CNTNAP5: variants seen among roughly 807,000 people sequenced by gnomAD.
CNTNAP5 encodes contactin-associated protein-like 5.
In CNTNAP5, 72 loss-of-function variants were observed where a neutral mutation model predicts 150.2. That is an observed-to-expected ratio of 0.48 (90% CI 0.40 to 0.58). The LOEUF (loss-of-function observed/expected upper bound fraction) is 0.58. CNTNAP5 is among the 20% of genes least tolerant of loss of function. CNTNAP5 has a pLI of 0.00. For missense variants in CNTNAP5, 1,636 were observed against 1,626.2 expected (o/e 1.01, Z -0.10); for synonymous variants, 672 against 619.8 (o/e 1.08, Z -1.25).
chr2:124,622,798 C>T (rs1175155352), intron 12 of CNTNAP5, among the ~76,000 whole-genome samples: 1 of 152,122 alleles, frequency 6.6e-6, no homozygotes, highest in Non-Finnish European at 1.5e-5. Flanking sequence ...AAGCTGAGTT[C>T]AAGTTCTGAA....
In CNTNAP5 at chr2:124,701,533, G is replaced by A. The variant is rs935418854; in HGVS notation, c.2078-45696G>A. 1.6e-4 allele frequency among the ~76,000 whole-genome samples: 24 copies of A among 152,024 alleles called. 1 individual carries two copies. The highest frequency in any genetic ancestry group is 1.6e-3 in the Admixed American group (24 of 15,256). On this transcript the variant is annotated intron_variant, in intron 13 of 23. Coordinates refer to ENST00000682447, the MANE Select transcript of CNTNAP5 (RefSeq NM_001367498.1). The stretch of plus-strand genomic sequence containing the variant: ...AGATGGTGATTCCATTTCTTTTGGG[G>A]GTATGCATTGAATAGGGATCACTAG...
intron 19 of CNTNAP5, among the ~76,000 whole-genome samples, chr2:124,852,585 A>T (rs914228002): frequency 2.0e-5 from 3 of 152,234 alleles, no homozygotes; most frequent in African/African-American, 7.2e-5. Flanking sequence ...CTGGAGAATC[A>T]TTAAACATTT....
intron 16 of CNTNAP5, among the ~76,000 whole-genome samples, chr2:124,770,135 G>C (rs1681158633): frequency 6.6e-6 from 1 of 152,112 alleles, no homozygotes; most frequent in Non-Finnish European, 1.5e-5. Context: ...AAACTGTAAA[G>C]GTATAAAGAA....
chr2:124,830,536 G>T (rs956731545), intron 19 of CNTNAP5, among the ~76,000 whole-genome samples: 3 of 151,900 alleles, frequency 2.0e-5, no homozygotes, highest in African/African-American at 7.3e-5. Context: ...AGTGCGTCCA[G>T]GGTCATGAAT....
At chr2:124,244,869 G>A (rs555122869) in intron 3 of CNTNAP5, among the ~76,000 whole-genome samples, 1 of 152,238 alleles carries the variant, frequency 6.6e-6, no homozygotes, top group South Asian at 2.1e-4. Flanking sequence ...GTGATTCAAT[G>A]TTAACATCTC....
At chr2:124,230,765 T>C (rs1049431421) in intron 2 of CNTNAP5, among the ~76,000 whole-genome samples, 1 of 152,156 alleles carries the variant, frequency 6.6e-6, no homozygotes, top group East Asian at 1.9e-4. Flanking sequence ...CTCCTGACCT[T>C]AGGTGATCCA....
Position 124,607,566 on chromosome 2 carries a change from AG to A in CNTNAP5, c.1757-2233del, listed in dbSNP as rs200666008. Among the ~76,000 whole-genome samples, 59 of 152,362 alleles carry A rather than the reference AG, an allele frequency of 3.9e-4. No individual in the cohort carries two copies. In the East Asian group the frequency reaches 0.011, roughly 29 times the overall value. The stretch of plus-strand genomic sequence containing the variant: ...ATTTTGTCAGCAGAACATGAATCCC[AG>A]GAAGTATCTGTCCATCACGGGAATT... On this transcript the variant is annotated intron_variant, in intron 11 of 23. Coordinates refer to ENST00000682447, the MANE Select transcript of CNTNAP5 (RefSeq NM_001367498.1).
intron 4 of CNTNAP5, among the ~76,000 whole-genome samples, chr2:124,432,628 T>A (rs1692419816): frequency 6.6e-6 from 1 of 152,184 alleles, no homozygotes. Flanking sequence ...CACAGTCTGG[T>A]ACAGTGGCAG....
intron 8 of CNTNAP5, among the ~76,000 whole-genome samples, chr2:124,512,740 T>TA (rs1694621460): frequency 6.6e-6 from 1 of 152,178 alleles, no homozygotes; most frequent in Non-Finnish European, 1.5e-5. Context: ...AACAAAAATG[T>TA]AAAAAACATT....
intron 1 of CNTNAP5, among the ~76,000 whole-genome samples, chr2:124,083,293 A>G (rs1682601161): frequency 6.6e-6 from 1 of 152,214 alleles, no homozygotes; most frequent in Non-Finnish European, 1.5e-5. Context: ...GTTGCAGTGC[A>G]GTGAGCTGAG....
intron 11 of CNTNAP5, among the ~76,000 whole-genome samples, chr2:124,589,417 C>T (rs1261278216): frequency 6.6e-6 from 1 of 152,144 alleles, no homozygotes; most frequent in Non-Finnish European, 1.5e-5. Context: ...ATTTGTTTAT[C>T]CATTCATTGG....
chr2:124,106,235 G>T (rs1296190963), intron 1 of CNTNAP5, among the ~76,000 whole-genome samples: 1 of 152,176 alleles, frequency 6.6e-6, no homozygotes, highest in Non-Finnish European at 1.5e-5. Flanking sequence ...TGTGGGCTTT[G>T]TCTCTAGTTC....
chr2:124,109,147 T>C (rs1683237880), intron 1 of CNTNAP5, among the ~76,000 whole-genome samples: 1 of 152,174 alleles, frequency 6.6e-6, no homozygotes, highest in African/African-American at 2.4e-5. Context: ...GGTCCCTGAT[T>C]GAAAATCTTT....
chr2:124,675,837 T>C lies in CNTNAP5; in HGVS notation c.2077+27879T>C, dbSNP rs1020923357. Among the ~76,000 whole-genome samples the C allele has an allele frequency of 6.6e-5, 10 of 152,320 alleles. No homozygotes were observed. In the East Asian group the frequency reaches 1.2e-3, roughly 18 times the overall value. On this transcript the variant is annotated intron_variant, in intron 13 of 23. Transcript: ENST00000682447. ...TTTATGACAGCTGATTTAAAGTCTT[T>C]GTCTAATTAGTTCAACATTTGGTCT...
At chr2:124,298,332 T>G (rs555825455) in intron 3 of CNTNAP5, among the ~76,000 whole-genome samples, 2 of 152,020 alleles carry the variant, frequency 1.3e-5, no homozygotes, top group African/African-American at 4.8e-5. Context: ...AAAAATGAGA[T>G]GAAGATGAGC....
At chr2:124,303,376 C>T (rs889509915) in intron 3 of CNTNAP5, among the ~76,000 whole-genome samples, 8 of 152,160 alleles carry the variant, frequency 5.3e-5, no homozygotes, top group African/African-American at 1.9e-4. Context: ...ATGATTCCAC[C>T]TTGCAAACTT....
chr2:124,122,423 C>G (rs1683585627), intron 1 of CNTNAP5, among the ~76,000 whole-genome samples: 1 of 152,136 alleles, frequency 6.6e-6, no homozygotes, highest in Non-Finnish European at 1.5e-5. Context: ...ATAAAGTGCT[C>G]ATCTCCATGG....
At chr2:124,564,766 A>G (rs919023155) in intron 11 of CNTNAP5, among the ~76,000 whole-genome samples, 2 of 152,240 alleles carry the variant, frequency 1.3e-5, no homozygotes, top group African/African-American at 2.4e-5. Context: ...ACTACGGACT[A>G]TAAGTGTGAT....
chr2:124,489,031 A>T (rs1693957795), intron 7 of CNTNAP5, among the ~76,000 whole-genome samples: 1 of 152,194 alleles, frequency 6.6e-6, no homozygotes, highest in African/African-American at 2.4e-5. Flanking sequence ...CAATTGGGCC[A>T]CTACGTAGCT....
Sources: gnomAD v4.1 joint callset for allele counts (sites outside exome capture counted in the v4.1 genomes callset) on GRCh38, gnomAD v4.1.1 for gene constraint, MANE v1.5 for transcripts, NCBI Gene and HGNC (gene_info 2026-07-23, HGNC 2026-07-21) for gene names.